Variants in CAST observed in about 807,000 individuals in gnomAD.
CAST encodes MIR583 host.
A neutral mutation model predicts 119.6 loss-of-function variants in CAST; 76 were observed. The observed-to-expected ratio is 0.64, with a 90% CI of 0.53 to 0.77. CAST has a LOEUF of 0.77. Ranked by LOEUF, CAST falls within the 30% of genes least tolerant of loss-of-function variation. The pLI, the probability that CAST is intolerant of heterozygous loss-of-function variation, is 0.00. For synonymous variants in CAST, 319 were observed against 331.6 expected, an observed-to-expected ratio of 0.96 and a Z score of 0.41; for missense variants, 953 against 946.5, an observed-to-expected ratio of 1.01 and a Z score of -0.09.
chr5:96,338,669 C>T, the CAST span, among the ~76,000 whole-genome samples: 2 of 152,168 alleles, frequency 1.3e-5, no homozygotes, highest in Admixed American at 1.3e-4. Flanking sequence ...TTATATTTCT[C>T]TTTCTGGAAG....
chr5:96,572,169 T>C (rs972797937), intron 1 of CAST, among the ~76,000 whole-genome samples: 2 of 152,036 alleles, frequency 1.3e-5, no homozygotes, highest in Non-Finnish European at 2.9e-5. Flanking sequence ...GAACTAGGAT[T>C]TGAACGTGGC....
At chr5:96,052,603 C>T in the CAST span, among the ~76,000 whole-genome samples, 2 of 152,196 alleles carry the variant, frequency 1.3e-5, no homozygotes, top group Non-Finnish European at 2.9e-5. Context: ...CTTTTGTCTT[C>T]GCCAACTGGC....
Position 96,662,497 on chromosome 5 carries a change from G to C in CAST, c.75G>C (p.Glu25Asp). 1 of 1,406,194 alleles carries C rather than the reference G, an allele frequency of 7.1e-7. No homozygotes were observed. The highest frequency in any genetic ancestry group is 9.2e-7 in the Non-Finnish European group (1 of 1,085,912). The allele number at this position is 1,406,194 out of a possible 1,614,324, so 87.1% of individuals were successfully genotyped here. The change falls in exon 1 of 32, where the codon GAG becomes GAC. Residue 25 changes from glutamate to aspartate, a missense_variant and splice_region_variant. Transcript: ENST00000675179. ...RRAAAARRTH[E>D]HVSEKTSESP... ...CAGCCGCCGCCCGCCGCACCCATGA[G>C]GTGAGTGGCGCTCCTGTCGGCGTCG... is the stretch of plus-strand genomic sequence containing the variant.
At chr5:96,107,140 T>A in the CAST span, among the ~76,000 whole-genome samples, 1 of 151,742 alleles carries the variant, frequency 6.6e-6, no homozygotes, top group South Asian at 2.1e-4. Flanking sequence ...ATGGGTTTCC[T>A]GAATACAGCA....
At chr5:96,692,076 A>G (rs1248654598) in intron 2 of CAST, among the ~76,000 whole-genome samples, 5 of 152,220 alleles carry the variant, frequency 3.3e-5, no homozygotes, top group Non-Finnish European at 5.9e-5. Flanking sequence ...AGATGGTGCA[A>G]TATCATATAA....
chr5:96,205,037 A>C, the CAST span, among the ~76,000 whole-genome samples: 1 of 152,078 alleles, frequency 6.6e-6, no homozygotes, highest in Non-Finnish European at 1.5e-5. Context: ...AGTCTTCTCA[A>C]ACAACTGACG....
chr5:96,631,828 G>A (rs572900710), intron 1 of CAST, among the ~76,000 whole-genome samples: 5 of 152,126 alleles, frequency 3.3e-5, no homozygotes, highest in South Asian at 2.1e-4. Context: ...CACTGCGCCC[G>A]ACTGCTTGTT....
At chr5:96,269,721 C>A in the CAST span, among the ~76,000 whole-genome samples, 3 of 152,058 alleles carry the variant, frequency 2.0e-5, no homozygotes, top group Non-Finnish European at 4.4e-5. Context: ...AAAACCTCAA[C>A]AAATCAATAA....
the CAST span, among the ~76,000 whole-genome samples, chr5:96,340,892 C>A: frequency 6.6e-6 from 1 of 152,098 alleles, no homozygotes; most frequent in Non-Finnish European, 1.5e-5. Flanking sequence ...TTATGATGCT[C>A]GTTACTAAAT....
At chr5:96,018,346 C>G in the CAST span, among the ~76,000 whole-genome samples, 2 of 152,076 alleles carry the variant, frequency 1.3e-5, no homozygotes, top group African/African-American at 4.8e-5. Context: ...GGTATGGAGG[C>G]CTGTTTAGAT....
At chr5:96,605,679 CCAAA>C (rs79229057) in intron 1 of CAST, among the ~76,000 whole-genome samples, 6,206 of 152,228 alleles carry the variant, frequency 0.041, 167 homozygotes, top group Middle Eastern at 0.071. Flanking sequence ...TGTGGTAAGT[CCAAA>C]CAAACAGATG....
chr5:96,654,318 C>G (rs1170692766), intron 1 of CAST, among the ~76,000 whole-genome samples: 2 of 152,140 alleles, frequency 1.3e-5, no homozygotes, highest in East Asian at 1.9e-4. Flanking sequence ...AGCCACCGCA[C>G]CCGGCCCATT....
At chr5:96,398,583 A>C in the CAST span, among the ~76,000 whole-genome samples, 1 of 152,206 alleles carries the variant, frequency 6.6e-6, no homozygotes, top group Non-Finnish European at 1.5e-5. Flanking sequence ...CTAAGAGAAA[A>C]GTGATAGGTC....
At chr5:96,594,928 G>T (rs1356225948) in intron 1 of CAST, among the ~76,000 whole-genome samples, 1 of 152,176 alleles carries the variant, frequency 6.6e-6, no homozygotes, top group Non-Finnish European at 1.5e-5. Context: ...AGAAAGGCAA[G>T]ACCAAGGAAG....
the CAST span, among the ~76,000 whole-genome samples, chr5:96,186,332 C>A: frequency 4.6e-5 from 7 of 152,052 alleles, no homozygotes; most frequent in African/African-American, 1.2e-4. Flanking sequence ...GTTTGAATAC[C>A]CTTCATTTCT....
the CAST span, among the ~76,000 whole-genome samples, chr5:96,295,714 T>G: frequency 6.6e-6 from 1 of 152,130 alleles, no homozygotes; most frequent in African/African-American, 2.4e-5. Context: ...TAATGGAGAT[T>G]GAAAAAAATA....
chr5:96,624,615 G>T (rs1747686003), intron 1 of CAST, among the ~76,000 whole-genome samples: 1 of 152,062 alleles, frequency 6.6e-6, no homozygotes, highest in Non-Finnish European at 1.5e-5. Flanking sequence ...GCAAAGAATG[G>T]GTGGCTGGGG....
chr5:96,208,393 A>G, the CAST span, among the ~76,000 whole-genome samples: 2 of 151,826 alleles, frequency 1.3e-5, no homozygotes, highest in Admixed American at 6.6e-5. Flanking sequence ...TTGTTTTTCT[A>G]GTGCCTCAAG....
At chr5:96,534,097 C>T (rs2150177894) in intron 1 of CAST, among the ~76,000 whole-genome samples, 1 of 152,204 alleles carries the variant, frequency 6.6e-6, no homozygotes, top group Non-Finnish European at 1.5e-5. Context: ...TGACAGGTTC[C>T]TAATACTTAA....
Sources: allele counts gnomAD v4.1 joint callset (sites outside exome capture counted in the v4.1 genomes callset), GRCh38; gene constraint gnomAD v4.1.1; transcripts MANE v1.5; gene names NCBI Gene and HGNC (gene_info 2026-07-23, HGNC 2026-07-21).